PCDHA5: variants seen among roughly 807,000 people sequenced by gnomAD.
The protein encoded by PCDHA5 is protocadherin alpha 5, also known as protocadherin alpha-5.
In PCDHA5, 43 loss-of-function variants were observed where a neutral mutation model predicts 61.6. The ratio of observed to expected loss-of-function variants is 0.70; its 90% confidence interval spans 0.55 to 0.90. PCDHA5 has a LOEUF of 0.90. PCDHA5 is among the 40% of genes least tolerant of loss of function. The pLI, the probability that PCDHA5 is intolerant of heterozygous loss-of-function variation, is 0.00. For synonymous variants in PCDHA5, 627 were observed against 543.9 expected (o/e 1.15, Z -2.13); for missense variants, 1,298 against 1,222.7 (o/e 1.06, Z -0.92).
chr5:140,973,719 C>T (rs1184460895), intron 1 of PCDHA5, among the ~76,000 whole-genome samples: 8 of 152,228 alleles, frequency 5.3e-5, no homozygotes, highest in African/African-American at 1.7e-4. Flanking sequence ...TGAGCCATCA[C>T]ATGGGCATCT....
At chr5:140,995,819 C>T (rs1045622508) in intron 3 of PCDHA5, among the ~76,000 whole-genome samples, 1 of 152,088 alleles carries the variant, frequency 6.6e-6, no homozygotes, top group African/African-American at 2.4e-5. Flanking sequence ...AGGGAGATAG[C>T]CTGGCATTGC....
chr5:140,846,000 G>GA (rs1346490644), intron 1 of PCDHA5, among the ~76,000 whole-genome samples: 2 of 149,558 alleles, frequency 1.3e-5, no homozygotes, highest in Admixed American at 6.7e-5. Context: ...GTGGTGGAAT[G>GA]AAAAAAATCT....
Position 141,010,405 on chromosome 5 carries a change from C to G in PCDHA5, c.*468C>G. On this transcript the variant is annotated 3_prime_UTR_variant, in exon 4 of 4. Transcript: ENST00000529859. ...ATTGGCTGAGACGAGCCAGCTTAGA[C>G]TAATTGGTACAAGGAAGGCAAGAAA... 1 of 1,260,098 alleles carries G rather than the reference C, an allele frequency of 7.9e-7. No homozygotes were observed. Among genetic ancestry groups the G allele is most frequent in the South Asian group, 1.6e-5 (1 of 64,208 alleles). 78.1% of individuals were successfully genotyped at this position (1,260,098 alleles called of 1,614,324 possible). A position where few individuals can be genotyped will look rare whatever the true frequency, so the allele number is the denominator to read the frequency against.
intron 1 of PCDHA5, chr5:140,870,703 G>A (rs899824906): frequency 1.2e-6 from 2 of 1,612,916 alleles, no homozygotes; most frequent in East Asian, 2.2e-5. Context: ...ACAGTTCCAG[G>A]TGAGCGCGCG....
chr5:140,971,568 G>C (rs2096486593), intron 1 of PCDHA5, among the ~76,000 whole-genome samples: 1 of 152,074 alleles, frequency 6.6e-6, no homozygotes, highest in African/African-American at 2.4e-5. Flanking sequence ...CCCATGTTGG[G>C]CTTTCTTTTT....
At chr5:140,896,657 A>G (rs1554187043) in intron 1 of PCDHA5, among the ~76,000 whole-genome samples, 1 of 152,010 alleles carries the variant, frequency 6.6e-6, no homozygotes, top group East Asian at 1.9e-4. Flanking sequence ...TATTACAGGC[A>G]TGAGTCACTG....
intron 1 of PCDHA5, among the ~76,000 whole-genome samples, chr5:140,886,844 A>C (rs11748231): frequency 2.0e-5 from 3 of 150,634 alleles, no homozygotes; most frequent in African/African-American, 7.3e-5. Flanking sequence ...AAAAAAAAAA[A>C]AAAGAAAGGT....
intron 1 of PCDHA5, among the ~76,000 whole-genome samples, chr5:140,953,094 C>A (rs2094845891): frequency 6.6e-6 from 1 of 152,172 alleles, no homozygotes; most frequent in South Asian, 2.1e-4. Flanking sequence ...TACAATTTGA[C>A]ATGAGATTTG....
chr5:140,822,994 G>A lies in PCDHA5; in HGVS notation c.1219G>A (p.Val407Met), dbSNP rs2150121119. ...CACCTTCAAGAATTACTACTCGTTG[G>A]TGCTGGACAGCGCCCTGGACCGCGA... ...VSTFKNYYSLVLDSALDRESV... is the reference protein window; with the variant it reads ...VSTFKNYYSLMLDSALDRESV... The change falls in exon 1 of 4, where the codon GTG becomes ATG. Residue 407 changes from valine to methionine, a missense_variant. Coordinates refer to ENST00000529859, the MANE Select transcript of PCDHA5 (RefSeq NM_018908.3). 66 of 1,614,244 alleles carry A rather than the reference G, an allele frequency of 4.1e-5. No homozygotes were observed. The highest frequency in any genetic ancestry group is 3.3e-4 in the Admixed American group (20 of 60,034).
rs1170983907 is a variant in PCDHA5, at chr5:140,822,628, C to A, written c.853C>A (p.Leu285Ile). 4 of 1,610,966 alleles carry A rather than the reference C, an allele frequency of 2.5e-6. No individual in the cohort carries two copies. Among genetic ancestry groups the A allele is most frequent in the Non-Finnish European group, 3.4e-6 (4 of 1,177,994 alleles). Residue 285 changes from leucine (L) to isoleucine (I), a missense_variant, in exon 1 of 4, where the codon CTT (leucine) becomes ATT (isoleucine). Physicochemically the swap from Leu to Ile is conservative, Grantham distance 5. Coordinates refer to ENST00000529859, the MANE Select transcript of PCDHA5 (RefSeq NM_018908.3). ...EIVYFFSNLV[L>I]DDVKSKFIIN... ...AGTGTATTTCTTTAGTAATCTTGTT[C>A]TTGACGATGTAAAGTCCAAATTTAT...
intron 1 of PCDHA5, among the ~76,000 whole-genome samples, chr5:140,891,620 C>T (rs1194351903): frequency 6.6e-6 from 1 of 152,122 alleles, no homozygotes; most frequent in African/African-American, 2.4e-5. Flanking sequence ...TTTATTTTAA[C>T]ACCTTTTGCT....
At chr5:140,911,088 C>T (rs1447899502) in intron 1 of PCDHA5, among the ~76,000 whole-genome samples, 3 of 152,092 alleles carry the variant, frequency 2.0e-5, no homozygotes, top group African/African-American at 7.2e-5. Flanking sequence ...ATTATCTTGC[C>T]TGGCAACTGC....
chr5:140,835,512 C>A (rs147252917), intron 1 of PCDHA5: 5 of 1,613,916 alleles, frequency 3.1e-6, no homozygotes, highest in Middle Eastern at 1.6e-4. Flanking sequence ...CGTGTTTGAC[C>A]GAGATTTTGG....
chr5:140,994,379 G>A (rs2097618506), intron 3 of PCDHA5, among the ~76,000 whole-genome samples: 1 of 152,112 alleles, frequency 6.6e-6, no homozygotes. Flanking sequence ...AAATTCAGGG[G>A]ACTAAGTCAG....
At chr5:140,928,076 A>G (rs2084914697) in intron 1 of PCDHA5, 1 of 1,614,142 alleles carries the variant, frequency 6.2e-7, no homozygotes. Context: ...GACAACTACT[A>G]CAGCCTGCTG....
At chr5:140,832,794 G>C (rs1057104170) in intron 1 of PCDHA5, among the ~76,000 whole-genome samples, 10 of 152,192 alleles carry the variant, frequency 6.6e-5, no homozygotes, top group Admixed American at 4.6e-4. Context: ...GTACATCATA[G>C]TGTTATTGGA....
intron 1 of PCDHA5, among the ~76,000 whole-genome samples, chr5:140,963,667 T>G (rs1206076549): frequency 3.9e-5 from 6 of 152,238 alleles, no homozygotes; most frequent in African/African-American, 1.4e-4. Context: ...CTATATGGCA[T>G]AGTTAAATGT....
chr5:140,938,180 A>G (rs913967767), intron 1 of PCDHA5, among the ~76,000 whole-genome samples: 2 of 152,166 alleles, frequency 1.3e-5, no homozygotes, highest in Non-Finnish European at 2.9e-5. Flanking sequence ...TCCTGGGCTC[A>G]AGCAATCCTC....
chr5:140,863,231 C>G (rs189351986), intron 1 of PCDHA5: 1 of 1,227,526 alleles, frequency 8.1e-7, no homozygotes, highest in Non-Finnish European at 1.2e-6. Flanking sequence ...AAGGTCCCAT[C>G]GCGGGCTTTG....
Sources: allele counts gnomAD v4.1 joint callset (sites outside exome capture counted in the v4.1 genomes callset), GRCh38; gene constraint gnomAD v4.1.1; transcripts MANE v1.5; gene names NCBI Gene and HGNC (gene_info 2026-07-23, HGNC 2026-07-21).